Variants in KALRN observed in about 807,000 individuals in gnomAD.
KALRN encodes kalirin RhoGEF kinase, also known as kalirin.
Under a neutral mutation model 353.7 loss-of-function variants are expected in KALRN, and 70 were observed. The ratio of observed to expected loss-of-function variants is 0.20; its 90% confidence interval spans 0.16 to 0.24. The LOEUF is 0.24. Ranked by LOEUF, KALRN falls within the 10% of genes least tolerant of loss-of-function variation. The pLI is 1.00. For missense variants in KALRN, 2,791 were observed against 3,756.7 expected (o/e 0.74, Z 6.72); for synonymous variants, 1,391 against 1,434.8 (o/e 0.97, Z 0.69).
intron 37 of KALRN, among the ~76,000 whole-genome samples, chr3:124,639,090 CCAAA>C (rs1363507103): frequency 2.6e-5 from 4 of 152,194 alleles, no homozygotes; most frequent in East Asian, 1.9e-4. Context: ...GAACTCTGTT[CCAAA>C]CAAATTGTTT....
At chr3:124,623,399 T>TAC (rs372330681) in intron 34 of KALRN, among the ~76,000 whole-genome samples, 5,083 of 136,464 alleles carry the variant, frequency 0.037, 99 homozygotes, top group Admixed American at 0.046. Flanking sequence ...TATTTATTTA[T>TAC]ACACACACAC....
chr3:124,327,655 C>A (rs2080063009), intron 7 of KALRN, among the ~76,000 whole-genome samples: 1 of 152,202 alleles, frequency 6.6e-6, no homozygotes, highest in Non-Finnish European at 1.5e-5. Context: ...GCTAAAATCA[C>A]ACAATCTATG....
chr3:124,430,805 C>G (rs1350988233), intron 16 of KALRN, 30 bp downstream of exon 16: 3 of 1,607,210 alleles, frequency 1.9e-6, no homozygotes, highest in Non-Finnish European at 2.5e-6. Context: ...GCACTGTCCT[C>G]CCTTCGCCTT....
At chr3:124,714,087 C>A (rs1289723294) in intron 58 of KALRN, among the ~76,000 whole-genome samples, 1 of 144,234 alleles carries the variant, frequency 6.9e-6, no homozygotes, top group Non-Finnish European at 1.5e-5. Context: ...AAAAAAAAAA[C>A]AGAGGGGACA....
At chr3:124,544,725 G>A (rs2069437138) in intron 33 of KALRN, among the ~76,000 whole-genome samples, 1 of 152,146 alleles carries the variant, frequency 6.6e-6, no homozygotes, top group Admixed American at 6.6e-5. Context: ...CTCCATGAGG[G>A]CAAAAGTGTT....
chr3:124,169,778 AG>A (rs2071458811), intron 1 of KALRN, among the ~76,000 whole-genome samples: 1 of 152,172 alleles, frequency 6.6e-6, no homozygotes, highest in South Asian at 2.1e-4. Flanking sequence ...GGGAGTAGTC[AG>A]GGGAAGAGAG....
intron 10 of KALRN, among the ~76,000 whole-genome samples, chr3:124,369,991 G>T (rs867667509): frequency 6.6e-6 from 1 of 152,046 alleles, no homozygotes; most frequent in African/African-American, 2.4e-5. Flanking sequence ...GTATTTTATT[G>T]CTGAATAGTA....
rs140915036 is a variant in KALRN, at chr3:124,713,047, G to T, written c.8188G>T (p.Ala2730Ser). The T allele has an allele frequency of 1.2e-6, 2 of 1,614,000 alleles. No homozygotes were observed. The highest frequency in any genetic ancestry group is 2.7e-5 in the African/African-American group (2 of 74,916). ...GAAAGAACAGGCTGCCCACGAGGCTGCCCTGCTTCAGCACCTACAGCACCC... is the reference window on the plus strand; with the variant it reads ...GAAAGAACAGGCTGCCCACGAGGCTTCCCTGCTTCAGCACCTACAGCACCC... ...KKKEQAAHEA[A>S]LLQHLQHPQY... The change falls in exon 58 of 60, where the codon GCC becomes TCC. Residue 2730 changes from alanine to serine, a missense_variant. Physicochemically the swap from Ala to Ser is moderately conservative, Grantham distance 99. Around this residue, in one of 11 missense-constraint regions of KALRN, gnomAD observed 188 missense variants for 402.9 expected, o/e 0.47. Transcript: ENST00000682506.
intron 6 of KALRN, among the ~76,000 whole-genome samples, chr3:124,308,766 GA>G (rs2077954113): frequency 6.6e-6 from 1 of 151,406 alleles, no homozygotes; most frequent in South Asian, 2.1e-4. Context: ...ACTGGAAAAA[GA>G]AGAGCAAACG....
Position 124,110,469 on chromosome 3 carries a change from G to GCGCACACACACA in KALRN, c.73+76657_73+76658insGCACACACACAC, listed in dbSNP as rs10634082. Among the ~76,000 whole-genome samples, 33 of 134,050 alleles carry GCGCACACACACA rather than the reference G, an allele frequency of 2.5e-4. 1 individual carries two copies. Among genetic ancestry groups the GCGCACACACACA allele is most frequent in the Admixed American group, 4.3e-4 (6 of 13,896 alleles). The allele number at this position is 134,050 out of a possible 152,430, so 87.9% of individuals were successfully genotyped here. On this transcript the variant is annotated intron_variant, in intron 1 of 59. Transcript: ENST00000682506. ...ATATATTTCATATATACACACGCGC[G>GCGCACACACACA]CACACACACACACACACACACACAC...
intron 51 of KALRN, among the ~76,000 whole-genome samples, chr3:124,692,813 C>A (rs1054362924): frequency 6.6e-6 from 1 of 152,190 alleles, no homozygotes; most frequent in Admixed American, 6.5e-5. Context: ...AACATACAAT[C>A]ACATTAAACA....
chr3:124,638,459 A>G (rs2081620379), intron 37 of KALRN, among the ~76,000 whole-genome samples: 1 of 151,966 alleles, frequency 6.6e-6, no homozygotes, highest in Non-Finnish European at 1.5e-5. Context: ...TGGGCACTAC[A>G]TTGACTTTCA....
rs1288795019 is a variant in KALRN at position 124,694,581 on chromosome 3, C to T, written c.7577+78C>T. On this transcript the variant is annotated intron_variant, in intron 53 of 59. Transcript: ENST00000682506. ...CTGAGAGGCTGAATCTGGGGTGCAA[C>T]TTCTGCTCTGGTGACTGGGCTCTGC... 2.1e-6 allele frequency: 3 copies of T among 1,403,970 alleles called. No homozygotes were observed. In the African/African-American group the frequency reaches 4.2e-5, roughly 20 times the overall value. The allele number at this position is 1,403,970 out of a possible 1,614,324, so 87.0% of individuals were successfully genotyped here. A position where few individuals can be genotyped will look rare whatever the true frequency, so the allele number is the denominator to read the frequency against.
At chr3:124,469,124 T>G (rs2060634450) in intron 25 of KALRN, among the ~76,000 whole-genome samples, 1 of 152,222 alleles carries the variant, frequency 6.6e-6, no homozygotes, top group Non-Finnish European at 1.5e-5. Context: ...TTGGTATATA[T>G]CTATGCAAAT....
chr3:124,549,914 A>C (rs902854037), intron 33 of KALRN, among the ~76,000 whole-genome samples: 1 of 152,130 alleles, frequency 6.6e-6, no homozygotes, highest in Non-Finnish European at 1.5e-5. Flanking sequence ...GATAAAATAC[A>C]CAGACAAGTA....
intron 1 of KALRN, among the ~76,000 whole-genome samples, chr3:124,085,935 G>A (rs2060794722): frequency 6.6e-6 from 1 of 152,170 alleles, no homozygotes; most frequent in African/African-American, 2.4e-5. Context: ...TTCACAAAAA[G>A]TGGGATAATA....
At chr3:124,485,445 G>C (rs2062454011) in intron 28 of KALRN, among the ~76,000 whole-genome samples, 1 of 152,192 alleles carries the variant, frequency 6.6e-6, no homozygotes, top group Admixed American at 6.5e-5. Context: ...TTTTGCTGTG[G>C]GCAGTCGAAG....
intron 10 of KALRN, among the ~76,000 whole-genome samples, chr3:124,366,869 G>A (rs2084810320): frequency 7.3e-6 from 1 of 137,212 alleles, no homozygotes; most frequent in African/African-American, 3.1e-5. Context: ...CGGGGCGGCT[G>A]GCCGGGCGGG....
At chr3:124,293,426 C>A (rs1271176621) in intron 5 of KALRN, among the ~76,000 whole-genome samples, 1 of 152,008 alleles carries the variant, frequency 6.6e-6, no homozygotes, top group African/African-American at 2.4e-5. Context: ...ATTTATGCTT[C>A]TTAAAAAAAG....
Sources: gnomAD v4.1 joint callset for allele counts (sites outside exome capture counted in the v4.1 genomes callset) on GRCh38, gnomAD v4.1.1 for gene constraint, gnomAD v4.1.1 regional missense constraint, MANE v1.5 for transcripts, NCBI Gene and HGNC (gene_info 2026-07-23, HGNC 2026-07-21) for gene names.